The following ONECUT2 variants were observed in gnomAD, a reference collection of about 807,000 sequenced individuals.
The protein encoded by ONECUT2 is one cut domain family member 2.
A neutral mutation model predicts 27.9 loss-of-function variants in ONECUT2; 10 were observed. The ratio of observed to expected loss-of-function variants is 0.36; its 90% CI spans 0.22 to 0.61. ONECUT2 has a LOEUF of 0.61. Ranked by LOEUF, ONECUT2 falls within the 20% of genes least tolerant of loss-of-function variation. ONECUT2 has a pLI of 0.73. For missense variants in ONECUT2, 686 were observed against 721.0 expected (o/e 0.95, Z 0.56); for synonymous variants, 334 against 315.1 (o/e 1.06, Z -0.64).
intron 1 of ONECUT2, among the ~76,000 whole-genome samples, chr18:57,448,283 G>A (rs1048905882): frequency 1.3e-5 from 2 of 152,182 alleles, no homozygotes; most frequent in African/African-American, 4.8e-5. Context: ...ATAGACAAGT[G>A]TGTCTCCTTT....
intron 1 of ONECUT2, among the ~76,000 whole-genome samples, chr18:57,458,163 A>G (rs2050270628): frequency 6.6e-6 from 1 of 152,240 alleles, no homozygotes; most frequent in South Asian, 2.1e-4. Flanking sequence ...CCACATTAAT[A>G]TTTTGCTTTT....
intron 1 of ONECUT2, 123 bp from the exon 2 acceptor site, chr18:57,476,314 G>A (rs1206671120): frequency 1.0e-6 from 1 of 968,328 alleles, no homozygotes; most frequent in Non-Finnish European, 1.5e-6. Context: ...ATTGACAGCT[G>A]GGCAGTTTGC....
rs374041020 is a variant in ONECUT2 at position 57,476,681 on chromosome 18, A to C, written c.1473A>C (p.Thr491=). Residue 491 remains threonine, a synonymous_variant, in exon 2 of 2, where the codon ACA becomes ACC. Transcript: ENST00000491143. The stretch of plus-strand genomic sequence containing the variant: ...AGAAGTGGCAAGACGATCTGAGCAC[A>C]GGGGGCTCCTCGTCCACCTCCAGCA... ...SLEKWQDDLS[T]GGSSSTSSTC... 1.9e-6 allele frequency: 3 copies of C among 1,614,090 alleles called. No individual in the cohort carries two copies. The African/African-American group carries it at 4.0e-5, about 22-fold the overall frequency.
Position 57,445,102 on chromosome 18 carries a change from A to G in ONECUT2, c.1228+8158A>G, listed in dbSNP as rs559204259. 1.2e-4 allele frequency among the ~76,000 whole-genome samples: 18 copies of G among 152,284 alleles called. No individual in the cohort carries two copies. The South Asian group carries it at 3.7e-3, about 32-fold the overall frequency. On this transcript the variant is annotated intron_variant, in intron 1 of 1. Coordinates refer to ENST00000491143, the MANE Select transcript of ONECUT2 (RefSeq NM_004852.3). ...CAGGAACATCATTTTCTACTGTAAA[A>G]TTATTTCAATTAAGCCACCAGTTTG...
intron 1 of ONECUT2, among the ~76,000 whole-genome samples, chr18:57,456,406 T>A (rs955457861): frequency 9.9e-5 from 15 of 152,208 alleles, no homozygotes; most frequent in African/African-American, 2.9e-4. Context: ...TATTTAGCCT[T>A]AAAAAGGAAG....
intron 1 of ONECUT2, among the ~76,000 whole-genome samples, chr18:57,442,194 T>A (rs377586999): frequency 2.6e-4 from 32 of 121,780 alleles, no homozygotes; most frequent in Admixed American, 6.0e-4. Context: ...GGAAAAAAAA[T>A]AAAAGATCAG....
At chr18:57,455,773 CAG>C (rs1359131868) in intron 1 of ONECUT2, among the ~76,000 whole-genome samples, 1 of 152,000 alleles carries the variant, frequency 6.6e-6, no homozygotes, top group Non-Finnish European at 1.5e-5. Context: ...TCTAGGGAAA[CAG>C]AGGGGAGGGA....
chr18:57,445,601 C>T (rs922003077), intron 1 of ONECUT2, among the ~76,000 whole-genome samples: 5 of 152,072 alleles, frequency 3.3e-5, no homozygotes, highest in African/African-American at 7.2e-5. Flanking sequence ...TTAATGATTT[C>T]GTAGGTGAGC....
At chr18:57,459,284 A>G (rs989361971) in intron 1 of ONECUT2, among the ~76,000 whole-genome samples, 3 of 152,220 alleles carry the variant, frequency 2.0e-5, no homozygotes, top group African/African-American at 7.2e-5. Flanking sequence ...GAGTAACTAT[A>G]CTTATATCAG....
intron 1 of ONECUT2, among the ~76,000 whole-genome samples, chr18:57,473,272 C>G (rs925464393): frequency 1.3e-5 from 2 of 152,180 alleles, no homozygotes; most frequent in Non-Finnish European, 2.9e-5. Context: ...CTGCAGCAAA[C>G]CTGGGATGCG....
At chr18:57,447,629 G>A (rs2050207890) in intron 1 of ONECUT2, among the ~76,000 whole-genome samples, 1 of 152,014 alleles carries the variant, frequency 6.6e-6, no homozygotes, top group Non-Finnish European at 1.5e-5. Context: ...CACCCTCAAC[G>A]GGATGTTTTA....
chr18:57,452,997 A>C (rs991014360), intron 1 of ONECUT2, among the ~76,000 whole-genome samples: 2 of 152,250 alleles, frequency 1.3e-5, no homozygotes, highest in Non-Finnish European at 2.9e-5. Flanking sequence ...AAGTTTTTTT[A>C]AACTTAGGTT....
intron 1 of ONECUT2, among the ~76,000 whole-genome samples, chr18:57,437,437 TTGCTC>T (rs2050149090): frequency 6.6e-6 from 1 of 152,254 alleles, no homozygotes; most frequent in Admixed American, 6.5e-5. Flanking sequence ...TTGAGAGGCT[TTGCTC>T]TGCAGAGGGA....
Position 57,481,250 on chromosome 18 carries a change from A to G in ONECUT2, c.*4527A>G, listed in dbSNP as rs1419119323. 1 of 152,240 alleles carries G rather than the reference A, an allele frequency of 6.6e-6. No homozygotes were observed. Among genetic ancestry groups the G allele is most frequent in the Non-Finnish European group, 1.5e-5 (1 of 68,048 alleles). The allele number at this position is 152,240 out of a possible 1,614,324, so 9.4% of individuals were successfully genotyped here. A position where few individuals can be genotyped will look rare whatever the true frequency, so the allele number is the denominator to read the frequency against. On this transcript the variant is annotated 3_prime_UTR_variant, in exon 2 of 2. Coordinates refer to ENST00000491143, the MANE Select transcript of ONECUT2 (RefSeq NM_004852.3). ...AATGTAAAAGAAGTGTTTAGCTTGC[A>G]CCATGCATAAAGGTGCAGGCTAGTT...
At chr18:57,467,482 C>T (rs1331447931) in intron 1 of ONECUT2, among the ~76,000 whole-genome samples, 3 of 152,140 alleles carry the variant, frequency 2.0e-5, no homozygotes, top group African/African-American at 7.2e-5. Flanking sequence ...TCTCCTGCCT[C>T]GGCCTCCCGA....
chr18:57,436,916 C>A lies in ONECUT2; in HGVS notation c.1200C>A (p.Phe400Leu). 1 of 1,609,886 alleles carries A rather than the reference C, an allele frequency of 6.2e-7. No homozygotes were observed. The highest frequency in any genetic ancestry group is 8.5e-7 in the Non-Finnish European group (1 of 1,178,460). ...GGAAGTGGCTTCAGGAGCCCGAGTT[C>A]CAGCGCATGTCCGCCTTACGCCTGG... ...RMWKWLQEPE[F>L]QRMSALRLAA... Residue 400 changes from phenylalanine (F) to leucine (L), a missense_variant, in exon 1 of 2, where the codon TTC becomes TTA. Phe to Leu is a conservative substitution (Grantham distance 22). This residue lies in a region of ONECUT2 where 51 missense variants were observed against 41.3 expected (regional missense o/e 1.23). Coordinates refer to ENST00000491143, the MANE Select transcript of ONECUT2 (RefSeq NM_004852.3). This position sits in a 1 kb window ranked among gnomAD's most constrained non-coding sequence, Gnocchi z 5.9.
intron 1 of ONECUT2, among the ~76,000 whole-genome samples, chr18:57,450,958 C>A (rs953293449): frequency 7.3e-4 from 111 of 152,186 alleles, no homozygotes; most frequent in African/African-American, 2.6e-3. Context: ...ATGAACTAGC[C>A]CTTGTCCCTT....
chr18:57,471,648 G>T (rs529242849), intron 1 of ONECUT2, among the ~76,000 whole-genome samples: 47 of 152,302 alleles, frequency 3.1e-4, no homozygotes, highest in African/African-American at 1.1e-3. Context: ...GTAGCTGTCT[G>T]CCATCCTTGT....
rs1308187945 is a variant in ONECUT2 at position 57,478,418 on chromosome 18, A to G, written c.*1695A>G. ...AACCAAAGAAACTTTTTCTGCACCT[A>G]CTTCTGCAACAAACAAAACTGTCCC... On this transcript the variant is annotated 3_prime_UTR_variant, in exon 2 of 2. Transcript: ENST00000491143. 3 of 152,660 alleles carry G rather than the reference A, an allele frequency of 2.0e-5. No individual in the cohort carries two copies. Among genetic ancestry groups the G allele is most frequent in the Non-Finnish European group, 4.4e-5 (3 of 68,040 alleles). 9.5% of individuals were successfully genotyped at this position (152,660 alleles called of 1,614,324 possible). A position where few individuals can be genotyped will look rare whatever the true frequency, so the allele number is the denominator to read the frequency against.
Sources: gnomAD v4.1 joint callset for allele counts (sites outside exome capture counted in the v4.1 genomes callset) on GRCh38, gnomAD v4.1.1 for gene constraint, gnomAD v4.1.1 regional missense constraint, Gnocchi (gnomAD v3.1) non-coding constraint, MANE v1.5 for transcripts, NCBI Gene and HGNC (gene_info 2026-07-23, HGNC 2026-07-21) for gene names.